The following FOXR1 variants were observed in gnomAD, a reference collection of about 807,000 sequenced individuals.
FOXR1 encodes the protein forkhead box protein R1.
Under a neutral mutation model 34.5 loss-of-function variants are expected in FOXR1, and 25 were observed. The observed-to-expected ratio is 0.72, with a 90% CI of 0.53 to 1.01. The LOEUF (loss-of-function observed/expected upper bound fraction) is 1.01, where lower values mean the gene tolerates loss of function less well. Ranked by LOEUF, FOXR1 falls within the 50% of genes least tolerant of loss-of-function variation. The probability of loss-of-function intolerance (pLI) is 0.00; values close to 1 mark genes in which losing one functional copy is unlikely to be tolerated. For missense variants in FOXR1, 373 were observed against 376.2 expected, an observed-to-expected ratio of 0.99 and a Z score of 0.07; for synonymous variants, 153 against 141.6, an observed-to-expected ratio of 1.08 and a Z score of -0.57.
At chr11:118,975,160 T>C (rs1941764662) in intron 1 of FOXR1, among the ~76,000 whole-genome samples, 1 of 152,076 alleles carries the variant, frequency 6.6e-6, no homozygotes. Context: ...AAAAAGACTA[T>C]TGAGAATCAA....
In FOXR1 at chr11:118,978,872, T is replaced by G; in HGVS notation, c.136+16T>G. The stretch of plus-strand genomic sequence containing the variant: ...GATAAGGATGGTACGTATTGAGTTC[T>G]CTGACCTGTTTCTGTGGCCTGGGCT... On this transcript the variant is annotated intron_variant, in intron 2 of 5. Transcript: ENST00000317011. 1 of 1,614,248 alleles carries G rather than the reference T, an allele frequency of 6.2e-7. No homozygotes were observed. Among genetic ancestry groups the G allele is most frequent in the Non-Finnish European group, 8.5e-7 (1 of 1,180,030 alleles).
intron 1 of FOXR1, among the ~76,000 whole-genome samples, chr11:118,976,289 C>T (rs1941779594): frequency 1.3e-5 from 2 of 152,212 alleles, no homozygotes; most frequent in South Asian, 2.1e-4. Flanking sequence ...TCCCTTTTCC[C>T]GCTCAAGCCA....
intron 5 of FOXR1, among the ~76,000 whole-genome samples, 186 bp from the exon 6 acceptor site, chr11:118,981,022 G>T (rs1441294801): frequency 6.6e-6 from 1 of 152,194 alleles, no homozygotes; most frequent in Admixed American, 6.5e-5. Flanking sequence ...GAGAAGCACA[G>T]TTAATAGAGG....
rs191483463 is a variant in FOXR1, at chr11:118,978,765, G to A, written c.62-17G>A. 1.2e-6 allele frequency: 2 copies of A among 1,613,784 alleles called. No individual in the cohort carries two copies. Among genetic ancestry groups the A allele is most frequent in the Admixed American group, 1.7e-5 (1 of 59,992 alleles). ...ATTCTAGGATGTTTTGACTCTCTCT[G>A]TCTTTCTTTTTGCCAGTTGCCAGGT... On this transcript the variant is annotated splice_polypyrimidine_tract_variant and intron_variant, in intron 1 of 5. Coordinates refer to ENST00000317011, the MANE Select transcript of FOXR1 (RefSeq NM_181721.3).
chr11:118,978,126 G>A (rs555268782), intron 1 of FOXR1, among the ~76,000 whole-genome samples: 23 of 152,120 alleles, frequency 1.5e-4, no homozygotes, highest in African/African-American at 5.5e-4. Context: ...GCTGAGGCAG[G>A]AGAATCACTT....
chr11:118,977,581 T>C (rs1205550966), intron 1 of FOXR1, among the ~76,000 whole-genome samples: 1 of 151,988 alleles, frequency 6.6e-6, no homozygotes, highest in Non-Finnish European at 1.5e-5. Flanking sequence ...TTTTCTATCT[T>C]TTGCTACTTT....
intron 5 of FOXR1, 126 bp downstream of exon 5, chr11:118,980,854 G>T (rs1239712802): frequency 5.1e-5 from 47 of 922,544 alleles, no homozygotes; most frequent in Non-Finnish European, 6.9e-5. Context: ...GAAACAGGGA[G>T]ATTAACAGTG....
chr11:118,976,328 G>A (rs1312878967), intron 1 of FOXR1, among the ~76,000 whole-genome samples: 2 of 152,204 alleles, frequency 1.3e-5, no homozygotes, highest in Non-Finnish European at 2.9e-5. Flanking sequence ...CTGAGTAGCT[G>A]GGACTACAGG....
chr11:118,977,267 A>G (rs2134483321), intron 1 of FOXR1, among the ~76,000 whole-genome samples: 1 of 152,156 alleles, frequency 6.6e-6, no homozygotes, highest in African/African-American at 2.4e-5. Context: ...CCTGACCTCA[A>G]GTGATCCACC....
intron 5 of FOXR1, 73 bp downstream of exon 5, chr11:118,980,801 G>T: frequency 2.1e-6 from 3 of 1,424,410 alleles, no homozygotes; most frequent in Non-Finnish European, 2.9e-6. Context: ...AAGTGTGGAA[G>T]CCTGGGTCAC....
intron 1 of FOXR1, 65 bp downstream of exon 1, chr11:118,972,057 G>C (rs534090713): frequency 7.5e-7 from 1 of 1,331,238 alleles, no homozygotes; most frequent in South Asian, 1.3e-5. Flanking sequence ...GGGCTCGCGG[G>C]ACCCCGGGGC....
intron 1 of FOXR1, 85 bp downstream of exon 1, chr11:118,972,077 C>T (rs1941712341): frequency 7.7e-7 from 1 of 1,305,982 alleles, no homozygotes; most frequent in Admixed American, 2.0e-5. Context: ...CAGACGGCTC[C>T]CCAGCCTTCG....
rs1433342866 is a variant in FOXR1, at chr11:118,981,239, C to A, written c.*3C>A. 6.2e-7 allele frequency: 1 copy of A among 1,613,918 alleles called. No homozygotes were observed. The highest frequency in any genetic ancestry group is 1.3e-5 in the African/African-American group (1 of 74,914). ...TGCCCTTCCTCTTTGATCTTTAACC[C>A]CAAGAAGCAACAGCCAGCTAATGCT... On this transcript the variant is annotated 3_prime_UTR_variant, in exon 6 of 6. Transcript: ENST00000317011.
At position 118,980,601 on chromosome 11, in the gene FOXR1, G is replaced by A. The variant is rs781982654; in HGVS notation, c.723G>A (p.Gly241=). ...FEKVPVSMQG[G]ASTRPRSCLW... ...AAGTGCCTGTCAGCATGCAGGGCGG[G>A]GCCAGCACACGGCCTCGATCTTGCC... The change falls in exon 5 of 6, where the codon GGG becomes GGA. Residue 241 remains glycine, a synonymous_variant. Transcript: ENST00000317011. The A allele has an allele frequency of 3.1e-6, 5 of 1,614,268 alleles. No individual in the cohort carries two copies. The highest frequency in any genetic ancestry group is 4.2e-6 in the Non-Finnish European group (5 of 1,180,048).
Position 118,978,778 on chromosome 11 carries a change from C to T in FOXR1, c.62-4C>T. On this transcript the variant is annotated splice_region_variant and splice_polypyrimidine_tract_variant and intron_variant, in intron 1 of 5. Transcript: ENST00000317011. ...TTGACTCTCTCTGTCTTTCTTTTTG[C>T]CAGTTGCCAGGTATAAACTCCGAAT... The T allele has an allele frequency of 6.2e-7, 1 of 1,614,056 alleles. No homozygotes were observed. The highest frequency in any genetic ancestry group is 1.7e-5 in the Admixed American group (1 of 59,998).
chr11:118,979,557 C>T lies in FOXR1; in HGVS notation c.500C>T (p.Ala167Val), dbSNP rs782380394. Residue 167 changes from alanine to valine, a missense_variant, in exon 4 of 6, where the codon GCG (alanine) becomes GTG (valine). By Grantham distance (64) the Ala-to-Val change is moderately conservative. Coordinates refer to ENST00000317011, the MANE Select transcript of FOXR1 (RefSeq NM_181721.3). ...AGGCTTCGGCAAGCCAGCAGCCAGG[C>T]GGGGAGGCTCTGGTCCCGGCCCCCT... is the stretch of plus-strand genomic sequence containing the variant. ...SRRLRQASSQ[A>V]GRLWSRPPLN... 17 of 1,613,358 alleles carry T rather than the reference C, an allele frequency of 1.1e-5. 1 individual carries two copies. The highest frequency in any genetic ancestry group is 5.3e-5 in the African/African-American group (4 of 74,906).
At chr11:118,978,330 G>T (rs1254128871) in intron 1 of FOXR1, among the ~76,000 whole-genome samples, 1 of 152,156 alleles carries the variant, frequency 6.6e-6, no homozygotes, top group Non-Finnish European at 1.5e-5. Flanking sequence ...ACTCCAGCCT[G>T]TGCAACAGAG....
At chr11:118,975,694 AAG>A (rs1306958280) in intron 1 of FOXR1, among the ~76,000 whole-genome samples, 2 of 152,220 alleles carry the variant, frequency 1.3e-5, no homozygotes, top group Non-Finnish European at 2.9e-5. Context: ...TGACACAGGA[AAG>A]AGAGGGGAAG....
intron 1 of FOXR1, among the ~76,000 whole-genome samples, chr11:118,973,351 G>C (rs1402758817): frequency 2.6e-5 from 4 of 152,102 alleles, no homozygotes; most frequent in Non-Finnish European, 5.9e-5. Flanking sequence ...TCTGCAATGG[G>C]GAAAGAACAG....
Sources: allele counts gnomAD v4.1 joint callset (sites outside exome capture counted in the v4.1 genomes callset), GRCh38; gene constraint gnomAD v4.1.1; transcripts MANE v1.5; gene names NCBI Gene and HGNC (gene_info 2026-07-23, HGNC 2026-07-21).